Variants in NAGA observed in about 807,000 individuals in gnomAD.
NAGA encodes the protein alpha-N-acetylgalactosaminidase, also known as Acetylgalactosaminidase, alpha-N- (alpha-galactosidase B).
NAGA carries 42 observed loss-of-function variants against 45.6 expected under a neutral mutation model. The observed-to-expected ratio is 0.92, with a 90% confidence interval of 0.72 to 1.19. The LOEUF (loss-of-function observed/expected upper bound fraction) is 1.19. Ranked by LOEUF, NAGA falls within the 50% of genes most tolerant of loss-of-function variation. NAGA has a pLI of 0.00. For synonymous variants in NAGA, 176 were observed against 203.1 expected (o/e 0.87, Z 1.13); for missense variants, 493 against 544.8 (o/e 0.90, Z 0.95).
At chr22:42,068,067 T>A in intron 2 of NAGA, 131 bp from the exon 3 acceptor site, 1 of 898,802 alleles carries the variant, frequency 1.1e-6, no homozygotes, top group Non-Finnish European at 1.8e-6. Context: ...GGTATCAGTG[T>A]AAATGACCAC....
At chr22:42,061,771 C>T (rs1926408674) in intron 7 of NAGA, among the ~76,000 whole-genome samples, 1 of 151,706 alleles carries the variant, frequency 6.6e-6, no homozygotes, top group South Asian at 2.1e-4. Flanking sequence ...CATGGTGAAA[C>T]CCTGTCTCTA....
Position 42,060,395 on chromosome 22 carries a change from C to G in NAGA, c.1120G>C (p.Gly374Arg). 6.2e-7 allele frequency: 1 copy of G among 1,613,398 alleles called. No individual in the cohort carries two copies. Among genetic ancestry groups the G allele is most frequent in the Non-Finnish European group, 8.5e-7 (1 of 1,180,012 alleles). Residue 374 changes from glycine to arginine, a missense_variant, in exon 9 of 9, where the codon GGT (glycine) becomes CGT (arginine). Coordinates refer to ENST00000396398, the MANE Select transcript of NAGA (RefSeq NM_000262.3). Reference sequence around the variant, plus strand: ...TCTCGGAGGCCACTGATGATGTCACCTGAGTAGACGTCCTGGGCCTGCAGT... The same window carrying G: ...TCTCGGAGGCCACTGATGATGTCACGTGAGTAGACGTCCTGGGCCTGCAGT... Reference protein sequence around the residue: ...VIYEAQDVYSGDIISGLRDET... With the variant: ...VIYEAQDVYSRDIISGLRDET...
rs1408747811 is a variant in NAGA, at chr22:42,060,194, AACCTCCCC to A, written c.*77_*84del. ...CACCGAGCAGGCCTGGGGAGCAGAG[AACCTCCCC>A]ACTTGCCCTGGGCATGCCAAGGCTC... On this transcript the variant is annotated 3_prime_UTR_variant, in exon 9 of 9. Transcript: ENST00000396398. 41 of 1,550,254 alleles carry A rather than the reference AACCTCCCC, an allele frequency of 2.6e-5. No individual in the cohort carries two copies. The highest frequency in any genetic ancestry group is 3.6e-5 in the Non-Finnish European group (41 of 1,131,374).
chr22:42,064,602 G>C (rs1274537392), intron 6 of NAGA, among the ~76,000 whole-genome samples: 1 of 151,718 alleles, frequency 6.6e-6, no homozygotes, highest in Non-Finnish European at 1.5e-5. Flanking sequence ...CCGAGATCGC[G>C]CCATTGCACT....
chr22:42,070,229 TCCTTGTAGCACTCACC>T (rs1926972113), intron 1 of NAGA, 37 bp downstream of exon 1: 10 of 1,606,986 alleles, frequency 6.2e-6, no homozygotes, highest in Non-Finnish European at 5.1e-6. Flanking sequence ...GCCAAAGCAC[TCCTTGTAGCACTCACC>T]CCTACCCTTC....
intron 3 of NAGA, 122 bp downstream of exon 3, chr22:42,067,643 T>C: frequency 1.2e-6 from 1 of 858,894 alleles, no homozygotes; most frequent in East Asian, 2.6e-5. Context: ...AAGTCGGTGT[T>C]CATTTGTCTG....
At position 42,066,846 on chromosome 22, in the gene NAGA, G is replaced by C. The variant is rs776904094; in HGVS notation, c.503-42C>G. 1.1e-5 allele frequency: 17 copies of C among 1,570,528 alleles called. 1 individual carries two copies. In the South Asian group the frequency reaches 1.8e-4, roughly 17 times the overall value. Reference sequence around the variant, plus strand: ...CTGTTTCAGTCCTGAGGAAGTGCAGGAGGCAGTCTGGGGCCTTAGCCCAGA... The same window carrying C: ...CTGTTTCAGTCCTGAGGAAGTGCAGCAGGCAGTCTGGGGCCTTAGCCCAGA... On this transcript the variant is annotated intron_variant, in intron 4 of 8. Transcript: ENST00000396398.
intron 6 of NAGA, 38 bp downstream of exon 6, chr22:42,065,700 G>A (rs1926681610): frequency 1.2e-6 from 2 of 1,612,472 alleles, no homozygotes; most frequent in East Asian, 4.5e-5. Context: ...GGTCGTCACA[G>A]ATGGTGGGCC....
At position 42,066,737 on chromosome 22, in the gene NAGA, T is replaced by A; in HGVS notation, c.570A>T (p.Pro190=). 6.2e-7 allele frequency: 1 copy of A among 1,605,418 alleles called. No individual in the cohort carries two copies. The highest frequency in any genetic ancestry group is 8.5e-7 in the Non-Finnish European group (1 of 1,176,426). The change falls in exon 5 of 9, where the codon CCA becomes CCT. Residue 190 remains proline (P), a synonymous_variant. Coordinates refer to ENST00000396398, the MANE Select transcript of NAGA (RefSeq NM_000262.3). The part of the protein sequence containing the change: ...GRPIAFSCSW[P]AYEGGLPPRV... Reference sequence around the variant, plus strand: ...TTGGGGGGAGGCCGCCTTCATAGGCTGGCCAGCTGCAGGAGAAGGCGATGG... The same window carrying A: ...TTGGGGGGAGGCCGCCTTCATAGGCAGGCCAGCTGCAGGAGAAGGCGATGG...
intron 6 of NAGA, among the ~76,000 whole-genome samples, chr22:42,065,210 AAATGC>A (rs1813107064): frequency 6.6e-6 from 1 of 152,216 alleles, no homozygotes; most frequent in African/African-American, 2.4e-5. Context: ...ATCAGGTAGT[AAATGC>A]TTGTTGACTA....
rs757312156 is a variant in NAGA at position 42,066,724 on chromosome 22, C to T, written c.583G>A (p.Gly195Ser). The T allele has an allele frequency of 1.4e-5, 22 of 1,601,444 alleles. No homozygotes were observed. Among genetic ancestry groups the T allele is most frequent in the South Asian group, 3.4e-5 (3 of 88,840 alleles). ...GAATGGCTTACCCTTGGGGGGAGGC[C>T]GCCTTCATAGGCTGGCCAGCTGCAG... Reference protein sequence around the residue: ...FSCSWPAYEGGLPPRVNYSLL... With the variant: ...FSCSWPAYEGSLPPRVNYSLL... The change falls in exon 5 of 9, where the codon GGC becomes AGC. Residue 195 changes from glycine to serine, a missense_variant. By Grantham distance (56) the Gly-to-Ser change is moderately conservative. Transcript: ENST00000396398.
intron 3 of NAGA, 145 bp from the exon 4 acceptor site, chr22:42,067,435 A>G: frequency 4.8e-6 from 5 of 1,038,810 alleles, no homozygotes; most frequent in South Asian, 1.3e-5. Context: ...GCCTCTGCCC[A>G]TGATGGCCCA....
At chr22:42,070,241 T>C (rs1926973356) in intron 1 of NAGA, 41 bp downstream of exon 1, 2 of 1,613,000 alleles carry the variant, frequency 1.2e-6, no homozygotes, top group Non-Finnish European at 1.7e-6. Flanking sequence ...CTTGTAGCAC[T>C]CACCCCTACC....
rs779423223 is a variant in NAGA at position 42,065,891 on chromosome 22, G to A, written c.606C>T (p.Tyr202=). The change falls in exon 6 of 9, where the codon TAC becomes TAT. Residue 202 remains tyrosine, a synonymous_variant. Coordinates refer to ENST00000396398, the MANE Select transcript of NAGA (RefSeq NM_000262.3). ...YEGGLPPRVN[Y]SLLADICNLW... is the part of the protein sequence containing the mutation. ...GGTTGCAGATGTCCGCCAGCAGACTGTAGTTCACCTGGATGTCGAGGGGAA... is the reference window on the plus strand; with the variant it reads ...GGTTGCAGATGTCCGCCAGCAGACTATAGTTCACCTGGATGTCGAGGGGAA... The A allele has an allele frequency of 6.2e-7, 1 of 1,614,118 alleles. No individual in the cohort carries two copies. Among genetic ancestry groups the A allele is most frequent in the South Asian group, 1.1e-5 (1 of 91,074 alleles).
chr22:42,065,251 GCAA>G (rs1926654988), intron 6 of NAGA, among the ~76,000 whole-genome samples: 2 of 152,270 alleles, frequency 1.3e-5, no homozygotes, highest in African/African-American at 4.8e-5. Context: ...GCTATAAATT[GCAA>G]CAACAACAAA....
chr22:42,065,805 C>T lies in NAGA; in HGVS notation c.692G>A (p.Trp231Ter). 2 of 1,614,116 alleles carry T rather than the reference C, an allele frequency of 1.2e-6. No individual in the cohort carries two copies. The highest frequency in any genetic ancestry group is 1.7e-6 in the Non-Finnish European group (2 of 1,180,030). ...CAGTATGTCCTGGTGCTCCACGAAC[C>T]AATTCAGGATGGAGAGCACGCTCCA... is the stretch of plus-strand genomic sequence containing the variant. ...SWWSVLSILN[W>*]FVEHQDILQP... The change falls in exon 6 of 9, where the codon TGG (tryptophan) becomes TAG (stop). Residue 231 changes from tryptophan (W) to a stop codon, truncating the protein, a stop_gained. Transcript: ENST00000396398. LOFTEE classifies it high-confidence loss of function.
chr22:42,066,274 C>T (rs1194206185), intron 5 of NAGA, among the ~76,000 whole-genome samples: 1 of 152,158 alleles, frequency 6.6e-6, no homozygotes. Context: ...CCTGAGCCCA[C>T]CCTTTTTGGT....
rs1926991013 is a variant in NAGA, at chr22:42,070,536, G to C, written c.-239C>G. 6.3e-6 allele frequency: 4 copies of C among 632,916 alleles called. No homozygotes were observed. In the South Asian group the frequency reaches 7.0e-5, roughly 11 times the overall value. 39.2% of individuals were successfully genotyped at this position (632,916 alleles called of 1,614,324 possible). A position where few individuals can be genotyped will look rare whatever the true frequency, so the allele number is the denominator to read the frequency against. ...TTCCTTCAGAAATACGAAACAACGTGTCTTGGATGTCAGACCTCACACCCT... is the reference window on the plus strand; with the variant it reads ...TTCCTTCAGAAATACGAAACAACGTCTCTTGGATGTCAGACCTCACACCCT... On this transcript the variant is annotated 5_prime_UTR_variant, in exon 1 of 9. Transcript: ENST00000396398.
At position 42,060,374 on chromosome 22, in the gene NAGA, G is replaced by T. The variant is rs750450177; in HGVS notation, c.1141C>A (p.Arg381=). 1.2e-6 allele frequency: 2 copies of T among 1,613,640 alleles called. No individual in the cohort carries two copies. The highest frequency in any genetic ancestry group is 2.2e-5 in the East Asian group (1 of 44,878). The part of the protein sequence containing the change: ...VYSGDIISGL[R]DETNFTVIIN... ...ATCACTGTGAAGTTGGTTTCATCTC[G>T]GAGGCCACTGATGATGTCACCTGAG... The change falls in exon 9 of 9, where the codon CGA becomes AGA. Residue 381 remains arginine (R), a synonymous_variant. Coordinates refer to ENST00000396398, the MANE Select transcript of NAGA (RefSeq NM_000262.3).
Sources: gnomAD v4.1 joint callset for allele counts (sites outside exome capture counted in the v4.1 genomes callset) on GRCh38, gnomAD v4.1.1 for gene constraint, MANE v1.5 for transcripts, NCBI Gene and HGNC (gene_info 2026-07-23, HGNC 2026-07-21) for gene names.